The following RANBP2 variants were observed in gnomAD, a reference collection of about 807,000 sequenced individuals.
The protein encoded by RANBP2 is E3 SUMO-protein ligase RanBP2.
A neutral mutation model predicts 303.6 loss-of-function variants in RANBP2; 57 were observed. The observed-to-expected ratio is 0.19, with a 90% CI of 0.15 to 0.23. RANBP2 has a LOEUF of 0.23. Ranked by LOEUF, RANBP2 falls within the 10% of genes least tolerant of loss-of-function variation. The pLI is 1.00. For synonymous variants in RANBP2, 1,167 were observed against 1,301.5 expected (o/e 0.90, Z 2.23); for missense variants, 3,138 against 3,780.8 (o/e 0.83, Z 4.46).
the RANBP2 span, among the ~76,000 whole-genome samples, chr2:109,054,536 C>T: frequency 6.6e-6 from 1 of 151,856 alleles, no homozygotes; most frequent in African/African-American, 2.4e-5. Context: ...GAAATCCCTT[C>T]TAAAAATACA....
the RANBP2 span, among the ~76,000 whole-genome samples, chr2:108,992,226 T>C: frequency 3.3e-5 from 5 of 152,240 alleles, no homozygotes; most frequent in Non-Finnish European, 7.3e-5. Context: ...ATGCAGCAAA[T>C]GCACGTCACG....
downstream of RANBP2, chr2:108,787,856 ATGACGTTGGTTTGT>A (rs1464022981): frequency 5.3e-6 from 1 of 189,510 alleles, no homozygotes; most frequent in Non-Finnish European, 9.8e-6. Flanking sequence ...GGGGAGGAAC[ATGACGTTGGTTTGT>A]CACATTATTG....
At chr2:109,242,045 G>T in the RANBP2 span, among the ~76,000 whole-genome samples, 1 of 152,068 alleles carries the variant, frequency 6.6e-6, no homozygotes, top group Admixed American at 6.5e-5. Context: ...CGTCCTGCAA[G>T]TGGCTGGCTC....
chr2:109,544,641 G>A, the RANBP2 span: 1 of 930,500 alleles, frequency 1.1e-6, no homozygotes, highest in African/African-American at 1.8e-5. Context: ...GTAACACTGG[G>A]TTAAGATGAA....
At chr2:109,053,781 G>C in the RANBP2 span, among the ~76,000 whole-genome samples, 8 of 152,218 alleles carry the variant, frequency 5.3e-5, no homozygotes, top group Non-Finnish European at 1.5e-5. Flanking sequence ...TTCGTCAGGG[G>C]CGTGAGCCAT....
At chr2:109,252,119 C>A in the RANBP2 span, among the ~76,000 whole-genome samples, 113 of 152,004 alleles carry the variant, frequency 7.4e-4, 1 homozygote, top group East Asian at 0.02. Context: ...TGTCACAGGC[C>A]TATAGTCTCA....
At chr2:109,135,987 G>A in the RANBP2 span, among the ~76,000 whole-genome samples, 8 of 152,124 alleles carry the variant, frequency 5.3e-5, no homozygotes, top group East Asian at 3.8e-4. Context: ...GCCCACCTCC[G>A]TCATCCGTAG....
chr2:109,254,411 G>T, the RANBP2 span, among the ~76,000 whole-genome samples: 1 of 152,212 alleles, frequency 6.6e-6, no homozygotes, highest in Non-Finnish European at 1.5e-5. Context: ...TTCCTCATTG[G>T]ACTGTTGGGG....
At chr2:108,931,727 T>TC in the RANBP2 span, among the ~76,000 whole-genome samples, 2,262 of 151,878 alleles carry the variant, frequency 0.015, 53 homozygotes, top group African/African-American at 0.051. Context: ...GGGTTTTTTT[T>TC]TCTTTTTTTT....
the RANBP2 span, among the ~76,000 whole-genome samples, chr2:109,096,664 G>A: frequency 1.3e-5 from 2 of 152,174 alleles, no homozygotes; most frequent in African/African-American, 4.8e-5. Flanking sequence ...TAGAATAGGA[G>A]TTAAATGAAT....
rs143766371 is a variant in RANBP2, at chr2:108,772,499, C to T, written c.8031C>T (p.Phe2677=). The T allele has an allele frequency of 6.1e-5, 99 of 1,612,826 alleles. No individual in the cohort carries two copies. The highest frequency in any genetic ancestry group is 3.1e-4 in the African/African-American group (23 of 74,872). ...CAATTGTATTTTAAGATGAAGATTT[C>T]GAAACAGCTGTCAAGAAACTTAATG... ...VSEEEEDDED[F]ETAVKKLNGK... is the part of the protein sequence containing the mutation. The change falls in exon 22 of 29, where the codon TTC becomes TTT. Residue 2677 remains phenylalanine, a synonymous_variant. Coordinates refer to ENST00000283195, the MANE Select transcript of RANBP2 (RefSeq NM_006267.5).
chr2:109,242,382 C>T, the RANBP2 span, among the ~76,000 whole-genome samples: 54 of 152,186 alleles, frequency 3.5e-4, no homozygotes, highest in Non-Finnish European at 6.9e-4. Flanking sequence ...CTGTCTGTGT[C>T]GTGCCTCGTT....
chr2:109,715,389 G>C, the RANBP2 span, among the ~76,000 whole-genome samples: 1 of 152,148 alleles, frequency 6.6e-6, no homozygotes, highest in African/African-American at 2.4e-5. Context: ...ACCATGCCTG[G>C]CCTCCTTTTC....
At chr2:109,362,943 T>G in the RANBP2 span, among the ~76,000 whole-genome samples, 1 of 152,204 alleles carries the variant, frequency 6.6e-6, no homozygotes, top group African/African-American at 2.4e-5. Flanking sequence ...GTTAATCTGC[T>G]TGTGTGTGTA....
the RANBP2 span, among the ~76,000 whole-genome samples, chr2:108,866,236 C>T: frequency 6.6e-6 from 1 of 152,158 alleles, no homozygotes. Flanking sequence ...TGATGTCATC[C>T]CTTCTGCCTC....
the RANBP2 span, among the ~76,000 whole-genome samples, chr2:109,489,645 C>T: frequency 6.6e-6 from 1 of 151,634 alleles, no homozygotes; most frequent in Non-Finnish European, 1.5e-5. Context: ...AATGGCATCA[C>T]TGGCCTGCCC....
At chr2:109,613,917 G>C in the RANBP2 span, 1 of 1,220,524 alleles carries the variant, frequency 8.2e-7, no homozygotes, top group Non-Finnish European at 1.0e-6. Context: ...CCGGAGGGCA[G>C]AAGCAACGGG....
At chr2:109,513,182 A>C in the RANBP2 span, among the ~76,000 whole-genome samples, 1 of 152,138 alleles carries the variant, frequency 6.6e-6, no homozygotes. Flanking sequence ...TTCCCAAAAG[A>C]AAGCACCTGC....
At chr2:109,063,305 G>A in the RANBP2 span, among the ~76,000 whole-genome samples, 3 of 152,274 alleles carry the variant, frequency 2.0e-5, no homozygotes, top group South Asian at 4.1e-4. Flanking sequence ...GAACCTTTGA[G>A]CATTTCCTGT....
Sources: allele counts gnomAD v4.1 joint callset (sites outside exome capture counted in the v4.1 genomes callset), GRCh38; gene constraint gnomAD v4.1.1; transcripts MANE v1.5; gene names NCBI Gene and HGNC (gene_info 2026-07-23, HGNC 2026-07-21).